The following PTPRD variants were observed in gnomAD, a reference collection of about 807,000 sequenced individuals.
PTPRD encodes receptor-type tyrosine-protein phosphatase delta.
Under a neutral mutation model 214.5 loss-of-function variants are expected in PTPRD, and 34 were observed. The observed-to-expected ratio is 0.16, with a 90% CI of 0.12 to 0.21. The LOEUF is 0.21. Among genes scored for constraint, PTPRD ranks in the 10% least tolerant of loss-of-function variants. The probability of loss-of-function intolerance (pLI) is 1.00; values close to 1 mark genes in which losing one functional copy is unlikely to be tolerated. For missense variants in PTPRD, 2,545 were observed against 2,398.7 expected, an observed-to-expected ratio of 1.06 and a Z score of -1.27; for synonymous variants, 1,128 against 845.7, an observed-to-expected ratio of 1.33 and a Z score of -5.79.
At chr9:8,429,895 T>A (rs577383300) in intron 35 of PTPRD, among the ~76,000 whole-genome samples, 2 of 152,196 alleles carry the variant, frequency 1.3e-5, no homozygotes, top group African/African-American at 4.8e-5. Flanking sequence ...TCCGAGTTAA[T>A]ACATAGCTTT....
rs370895852 is a variant in PTPRD at position 9,845,212 on chromosome 9, CTA to C, written c.-367-78363_-367-78362del. Among the ~76,000 whole-genome samples the C allele has an allele frequency of 2.9e-4, 35 of 119,984 alleles. 2 individuals carry two copies. Among genetic ancestry groups the C allele is most frequent in the African/African-American group, 8.8e-4 (27 of 30,706 alleles). 78.7% of individuals were successfully genotyped at this position (119,984 alleles called of 152,430 possible). A position where few individuals can be genotyped will look rare whatever the true frequency, so the allele number is the denominator to read the frequency against. On this transcript the variant is annotated intron_variant, in intron 5 of 45. Transcript: ENST00000381196. ...TATATATATAGCTATATATATACTG[CTA>C]TATATATATATATATAGCAATAGTG...
chr9:9,282,909 G>A (rs1226185077), intron 9 of PTPRD, among the ~76,000 whole-genome samples: 6 of 151,468 alleles, frequency 4.0e-5, no homozygotes, highest in Non-Finnish European at 1.5e-5. Flanking sequence ...AGTTAGTTAT[G>A]TGAACCTTTC....
At chr9:10,473,710 T>C (rs920813678) in intron 2 of PTPRD, among the ~76,000 whole-genome samples, 1 of 152,054 alleles carries the variant, frequency 6.6e-6, no homozygotes, top group Non-Finnish European at 1.5e-5. Context: ...TAAATGAAAG[T>C]GTTCAGTGAT....
intron 3 of PTPRD, among the ~76,000 whole-genome samples, chr9:10,283,962 T>A (rs1009670075): frequency 2.0e-5 from 3 of 152,156 alleles, no homozygotes; most frequent in Admixed American, 2.0e-4. Flanking sequence ...TCCAGTTCCT[T>A]CTCTCATGGT....
intron 4 of PTPRD, among the ~76,000 whole-genome samples, chr9:10,018,452 A>G (rs544888440): frequency 1.3e-5 from 2 of 151,638 alleles, no homozygotes; most frequent in African/African-American, 4.8e-5. Flanking sequence ...ATAGCAGATA[A>G]AATTTTTATT....
intron 6 of PTPRD, among the ~76,000 whole-genome samples, chr9:9,758,184 C>CA (rs2098607241): frequency 6.9e-6 from 1 of 144,134 alleles, no homozygotes; most frequent in Admixed American, 7.0e-5. Context: ...CCTTAGCAGA[C>CA]TTTTTTTTTT....
At chr9:10,037,396 CCT>C (rs1015164353) in intron 3 of PTPRD, among the ~76,000 whole-genome samples, 4 of 152,088 alleles carry the variant, frequency 2.6e-5, no homozygotes, top group African/African-American at 9.6e-5. Context: ...GTGTGCAGCA[CCT>C]CTCTGCACCC....
chr9:9,483,566 G>T (rs572746765), intron 8 of PTPRD, among the ~76,000 whole-genome samples: 1 of 152,212 alleles, frequency 6.6e-6, no homozygotes, highest in South Asian at 2.1e-4. Flanking sequence ...GAAGCAACTT[G>T]TGGGTATTGG....
At chr9:9,124,989 C>T (rs2099826184) in intron 10 of PTPRD, among the ~76,000 whole-genome samples, 1 of 152,190 alleles carries the variant, frequency 6.6e-6, no homozygotes, top group African/African-American at 2.4e-5. Flanking sequence ...CTCTCCCTAC[C>T]TTCCTTTTCT....
intron 8 of PTPRD, among the ~76,000 whole-genome samples, chr9:9,524,729 T>C (rs775752522): frequency 6.6e-6 from 1 of 152,246 alleles, no homozygotes; most frequent in Non-Finnish European, 1.5e-5. Context: ...TTTCCAGAGA[T>C]TTTAATGCTT....
At chr9:8,682,401 T>A (rs1420605119) in intron 12 of PTPRD, among the ~76,000 whole-genome samples, 2 of 144,708 alleles carry the variant, frequency 1.4e-5, no homozygotes, top group Admixed American at 6.8e-5. Context: ...AACATAAATG[T>A]TTGGGGGGAT....
chr9:9,516,636 C>G (rs1184379867), intron 8 of PTPRD, among the ~76,000 whole-genome samples: 8 of 151,944 alleles, frequency 5.3e-5, no homozygotes, highest in Admixed American at 1.3e-4. Context: ...CTCCAGGGTG[C>G]AAGCGATTTT....
At chr9:9,475,099 A>T (rs1336005253) in intron 8 of PTPRD, among the ~76,000 whole-genome samples, 1 of 152,208 alleles carries the variant, frequency 6.6e-6, no homozygotes, top group Non-Finnish European at 1.5e-5. Flanking sequence ...ACATACTACC[A>T]ACTGAAGTCA....
intron 23 of PTPRD, 95 bp from the exon 24 acceptor site, chr9:8,501,154 TAAAC>T: frequency 1.1e-6 from 1 of 894,918 alleles, no homozygotes; most frequent in South Asian, 1.8e-5. Context: ...CAAAAATAAA[TAAAC>T]GAACAATAAG....
At chr9:10,214,904 C>T (rs1414656393) in intron 3 of PTPRD, among the ~76,000 whole-genome samples, 1 of 152,010 alleles carries the variant, frequency 6.6e-6, no homozygotes, top group Admixed American at 6.6e-5. Context: ...GGGATTCATA[C>T]ATCTTGGTTA....
At chr9:10,583,640 G>A (rs1172108446) in intron 2 of PTPRD, among the ~76,000 whole-genome samples, 2 of 151,942 alleles carry the variant, frequency 1.3e-5, no homozygotes, top group Non-Finnish European at 2.9e-5. Flanking sequence ...CACCACGCCC[G>A]GCTAATTTTT....
At chr9:9,174,690 T>A (rs2099923545) in intron 10 of PTPRD, among the ~76,000 whole-genome samples, 1 of 152,224 alleles carries the variant, frequency 6.6e-6, no homozygotes, top group African/African-American at 2.4e-5. Flanking sequence ...CTATAGTGAT[T>A]TCTAATATTT....
chr9:9,106,141 T>C (rs2099798233), intron 10 of PTPRD, among the ~76,000 whole-genome samples: 1 of 152,116 alleles, frequency 6.6e-6, no homozygotes, highest in South Asian at 2.1e-4. Flanking sequence ...ATTTTTGTTA[T>C]CCACTTAGTG....
At chr9:9,328,417 G>A (rs960681622) in intron 9 of PTPRD, among the ~76,000 whole-genome samples, 1 of 151,882 alleles carries the variant, frequency 6.6e-6, no homozygotes, top group African/African-American at 2.4e-5. Context: ...GAATTTTAAA[G>A]TGAAAAGAAA....
Sources: allele counts gnomAD v4.1 joint callset (sites outside exome capture counted in the v4.1 genomes callset), GRCh38; gene constraint gnomAD v4.1.1; transcripts MANE v1.5; gene names NCBI Gene and HGNC (gene_info 2026-07-23, HGNC 2026-07-21).